CNR2: variants seen among roughly 807,000 people sequenced by gnomAD.
CNR2 encodes cannabinoid receptor 2 (macrophage).
For synonymous variants in CNR2, 172 were observed against 182.2 expected (o/e 0.94, Z 0.45); for missense variants, 379 against 439.9 (o/e 0.86, Z 1.24).
chr1:23,877,326 A>G (rs1231654721), intron 1 of CNR2, among the ~76,000 whole-genome samples: 2 of 152,198 alleles, frequency 1.3e-5, no homozygotes, highest in Non-Finnish European at 2.9e-5. Context: ...AACAACTGAA[A>G]AGCATTGATC....
chr1:23,891,619 CAA>C (rs771509283), intron 1 of CNR2, among the ~76,000 whole-genome samples: 17 of 31,250 alleles, frequency 5.4e-4, no homozygotes, highest in African/African-American at 2.6e-3. Flanking sequence ...AACTCCATCT[CAA>C]AAAAAAAAAA....
At chr1:23,906,901 A>G (rs1640494240) in intron 1 of CNR2, among the ~76,000 whole-genome samples, 2 of 151,814 alleles carry the variant, frequency 1.3e-5, no homozygotes, top group African/African-American at 4.8e-5. Context: ...CAAAAAAAAA[A>G]AAAAGAAAAA....
intron 1 of CNR2, among the ~76,000 whole-genome samples, chr1:23,886,733 G>A (rs1284305079): frequency 6.6e-6 from 1 of 152,168 alleles, no homozygotes. Flanking sequence ...CCAGAAAACA[G>A]TCCAAGAATG....
chr1:23,910,175 GGTCT>G (rs895677830), intron 1 of CNR2, among the ~76,000 whole-genome samples: 7 of 125,826 alleles, frequency 5.6e-5, no homozygotes, highest in Non-Finnish European at 9.4e-5. Context: ...TTCCTAGACT[GGTCT>G]TGAAGTGCTG....
intron 1 of CNR2, among the ~76,000 whole-genome samples, 165 bp from the exon 2 acceptor site, chr1:23,875,827 C>T (rs1320201199): frequency 6.6e-6 from 1 of 151,998 alleles, no homozygotes; most frequent in African/African-American, 2.4e-5. Flanking sequence ...TCCATCCAAG[C>T]AGGAAGCCAG....
intron 1 of CNR2, among the ~76,000 whole-genome samples, chr1:23,912,532 C>A (rs1459852271): frequency 6.6e-6 from 1 of 152,258 alleles, no homozygotes; most frequent in Admixed American, 6.5e-5. Flanking sequence ...TCAATGCCCG[C>A]ATGATTTCAG....
At chr1:23,879,599 T>C (rs566250958) in intron 1 of CNR2, among the ~76,000 whole-genome samples, 1 of 152,184 alleles carries the variant, frequency 6.6e-6, no homozygotes, top group African/African-American at 2.4e-5. Flanking sequence ...GGTGACAGAA[T>C]GAGACCTTGT....
rs28668081 is a variant in CNR2, at chr1:23,873,687, C to G, written c.*848G>C. 1 of 152,274 alleles carries G rather than the reference C, an allele frequency of 6.6e-6. No individual in the cohort carries two copies. The highest frequency in any genetic ancestry group is 1.9e-4 in the East Asian group (1 of 5,186). The allele number at this position is 152,274 out of a possible 1,614,324, so 9.4% of individuals were successfully genotyped here. ...TAGGGGTGTGGAGGAGGCAAGGGAG[C>G]TGAATTGGGGGCAGATAGGGGAACA... On this transcript the variant is annotated 3_prime_UTR_variant, in exon 2 of 2. Coordinates refer to ENST00000374472, the MANE Select transcript of CNR2 (RefSeq NM_001841.3).
At chr1:23,891,511 TG>T (rs1459160860) in intron 1 of CNR2, among the ~76,000 whole-genome samples, 23 of 148,370 alleles carry the variant, frequency 1.6e-4, no homozygotes, top group Non-Finnish European at 3.1e-4. Context: ...CCCAGCTACT[TG>T]GGAGGCTGAG....
intron 1 of CNR2, among the ~76,000 whole-genome samples, chr1:23,894,674 G>A (rs1379967873): frequency 6.9e-6 from 1 of 144,564 alleles, no homozygotes; most frequent in Non-Finnish European, 1.5e-5. Flanking sequence ...AGCCAGGCAG[G>A]AGAATCACTT....
rs1197100282 is a variant in CNR2 at position 23,874,711 on chromosome 1, T to C, written c.907A>G (p.Ser303Gly). 1 of 1,614,046 alleles carries C rather than the reference T, an allele frequency of 6.2e-7. No homozygotes were observed. The change falls in exon 2 of 2, where the codon AGT (serine) becomes GGT (glycine). Residue 303 changes from serine (S) to glycine (G), a missense_variant. Coordinates refer to ENST00000374472, the MANE Select transcript of CNR2 (RefSeq NM_001841.3). ...TGGGCAGAGGAGCGGATCTCTCCAC[T>C]CCGTAGAGCATAGATGACAGGGTTG... ...MVNPVIYALRSGEIRSSAHHC... is the reference protein window; with the variant it reads ...MVNPVIYALRGGEIRSSAHHC...
rs548542316 is a variant in CNR2, at chr1:23,903,053, G to A, written c.-46+10193C>T. 2.8e-4 allele frequency among the ~76,000 whole-genome samples: 41 copies of A among 146,188 alleles called. No individual in the cohort carries two copies. In the South Asian group the frequency reaches 6.9e-3, roughly 25 times the overall value. ...GGGCGCTGAGCGACGCGGCGGTGAT[G>A]GCAGGCCAGGGGCAGCACCATTCAT... On this transcript the variant is annotated intron_variant, in intron 1 of 1. Transcript: ENST00000374472.
In CNR2 at chr1:23,872,027, G is replaced by A. The variant is rs2148453675; in HGVS notation, c.*2508C>T. Reference sequence around the variant, plus strand: ...GGGTGCCTGTAGTCCCAGCTATTTGGGAGGCTGAGGCAGGAGAATCACTTG... The same window carrying A: ...GGGTGCCTGTAGTCCCAGCTATTTGAGAGGCTGAGGCAGGAGAATCACTTG... On this transcript the variant is annotated 3_prime_UTR_variant, in exon 2 of 2. Coordinates refer to ENST00000374472, the MANE Select transcript of CNR2 (RefSeq NM_001841.3). 6.6e-6 allele frequency: 1 copy of A among 151,152 alleles called. No individual in the cohort carries two copies. Among genetic ancestry groups the A allele is most frequent in the East Asian group, 1.9e-4 (1 of 5,138 alleles). The allele number at this position is 151,152 out of a possible 1,614,324, so 9.4% of individuals were successfully genotyped here.
At chr1:23,904,037 T>C (rs1347408239) in intron 1 of CNR2, among the ~76,000 whole-genome samples, 1 of 152,110 alleles carries the variant, frequency 6.6e-6, no homozygotes, top group African/African-American at 2.4e-5. Context: ...AAAATTGCAT[T>C]TGGGCTCCCG....
At chr1:23,887,841 C>T (rs973443671) in intron 1 of CNR2, among the ~76,000 whole-genome samples, 2 of 109,980 alleles carry the variant, frequency 1.8e-5, no homozygotes, top group Admixed American at 1.1e-4. Flanking sequence ...TTAAGTAGCC[C>T]CCCGAAGTTA....
chr1:23,907,384 T>G (rs1253445454), intron 1 of CNR2, among the ~76,000 whole-genome samples: 2 of 133,036 alleles, frequency 1.5e-5, no homozygotes. Context: ...TGCTCCAGCC[T>G]GGTGACAGAG....
Position 23,874,546 on chromosome 1 carries a change from A to G in CNR2, c.1072T>C (p.Ser358Pro). 6.2e-7 allele frequency: 1 copy of G among 1,611,530 alleles called. No individual in the cohort carries two copies. Reference protein sequence around the residue: ...PWPDSRDLDLSDC With the variant: ...PWPDSRDLDLPDC Reference sequence around the variant, plus strand: ...GGGAAGAGGCCTCATCAGCAATCAGAGAGGTCTAGATCTCTGGAATCTGGC... The same window carrying G: ...GGGAAGAGGCCTCATCAGCAATCAGGGAGGTCTAGATCTCTGGAATCTGGC... Residue 358 changes from serine to proline, a missense_variant, in exon 2 of 2, where the codon TCT becomes CCT. Coordinates refer to ENST00000374472, the MANE Select transcript of CNR2 (RefSeq NM_001841.3).
chr1:23,878,623 C>A (rs969772045), intron 1 of CNR2, among the ~76,000 whole-genome samples: 1 of 152,122 alleles, frequency 6.6e-6, no homozygotes, highest in Non-Finnish European at 1.5e-5. Flanking sequence ...AGGTGATATG[C>A]CCACCTCGGC....
At position 23,875,543 on chromosome 1, in the gene CNR2, G is replaced by A. The variant is rs149656016; in HGVS notation, c.75C>T (p.Tyr25=). ...TCTTCTGGGGACCACTCAGGATCAT[G>A]TAATCCTTCATAGGGTTGGAATCCA... ...DGLDSNPMKD[Y]MILSGPQKTA... Residue 25 remains tyrosine (Y), a synonymous_variant, in exon 2 of 2, where the codon TAC becomes TAT. Coordinates refer to ENST00000374472, the MANE Select transcript of CNR2 (RefSeq NM_001841.3). 121 of 1,614,052 alleles carry A rather than the reference G, an allele frequency of 7.5e-5. 1 individual carries two copies. In the Middle Eastern group the frequency reaches 1.8e-3, roughly 24 times the overall value.
Sources: gnomAD v4.1 joint callset for allele counts (sites outside exome capture counted in the v4.1 genomes callset) on GRCh38, gnomAD v4.1.1 for gene constraint, MANE v1.5 for transcripts, NCBI Gene and HGNC (gene_info 2026-07-23, HGNC 2026-07-21) for gene names.